The following SIK2 variants were observed in gnomAD, a reference collection of about 807,000 sequenced individuals.
SIK2 encodes serine/threonine-protein kinase SIK2.
In SIK2, 29 loss-of-function variants were observed where a neutral mutation model predicts 103.2. The observed-to-expected ratio is 0.28, with a 90% CI of 0.21 to 0.38. The LOEUF is 0.38. Among genes scored for constraint, SIK2 ranks in the 10% least tolerant of loss-of-function variants. SIK2 has a pLI of 1.00. For missense variants in SIK2, 879 were observed against 1,171.0 expected (o/e 0.75, Z 3.64); for synonymous variants, 412 against 446.1 (o/e 0.92, Z 0.96).
intron 3 of SIK2, among the ~76,000 whole-genome samples, chr11:111,640,225 T>C (rs1009007184): frequency 1.4e-4 from 21 of 152,226 alleles, no homozygotes; most frequent in African/African-American, 4.8e-4. Flanking sequence ...AATCACAAAA[T>C]ATTCCCAGTT....
chr11:111,648,119 A>C (rs1201653992), intron 3 of SIK2, among the ~76,000 whole-genome samples: 1 of 152,140 alleles, frequency 6.6e-6, no homozygotes, highest in African/African-American at 2.4e-5. Context: ...GAAAAAATAA[A>C]GAAAAAATAA....
rs79669376 is a variant in SIK2, at chr11:111,725,019, T to C, written c.*890T>C. 1,623 of 152,722 alleles carry C rather than the reference T, an allele frequency of 0.011. 15 individuals are homozygous for C. The highest frequency in any genetic ancestry group is 0.016 in the Non-Finnish European group (1,078 of 68,038). 9.5% of individuals were successfully genotyped at this position (152,722 alleles called of 1,614,324 possible). On this transcript the variant is annotated 3_prime_UTR_variant, in exon 15 of 15. Coordinates refer to ENST00000304987, the MANE Select transcript of SIK2 (RefSeq NM_015191.3). ...CGGTCTCCAGGGTACCTGTTGTCTC[T>C]TTTCCGATGTAATAACTACTTTGAC...
chr11:111,684,722 C>T (rs1276086496), intron 3 of SIK2, among the ~76,000 whole-genome samples: 1 of 152,190 alleles, frequency 6.6e-6, no homozygotes, highest in African/African-American at 2.4e-5. Context: ...CTTGCCAGTT[C>T]TTAAACATAA....
At chr11:111,696,896 A>T (rs1482520418) in intron 4 of SIK2, among the ~76,000 whole-genome samples, 1 of 151,926 alleles carries the variant, frequency 6.6e-6, no homozygotes, top group African/African-American at 2.4e-5. Flanking sequence ...TTCCCCCCCT[A>T]CTCACCTCCC....
chr11:111,671,644 A>G, intron 3 of SIK2: 1 of 364,782 alleles, frequency 2.7e-6, no homozygotes, highest in Non-Finnish European at 5.3e-6. Context: ...GCTGTTGTCC[A>G]TGGACAGAAC....
chr11:111,719,406 A>T (rs1272316241), intron 9 of SIK2, among the ~76,000 whole-genome samples: 1 of 150,084 alleles, frequency 6.7e-6, no homozygotes, highest in Admixed American at 6.6e-5. Context: ...AAAAAAAAAA[A>T]ACAACTCATC....
At chr11:111,711,197 C>T (rs1290651408) in intron 8 of SIK2, among the ~76,000 whole-genome samples, 1 of 151,578 alleles carries the variant, frequency 6.6e-6, no homozygotes, top group Non-Finnish European at 1.5e-5. Flanking sequence ...TGGCTCACTG[C>T]AAGCTCCGCC....
chr11:111,626,636 G>C (rs1168138559), intron 3 of SIK2, among the ~76,000 whole-genome samples: 3 of 149,898 alleles, frequency 2.0e-5, no homozygotes, highest in African/African-American at 7.4e-5. Context: ...CTTCAGAATT[G>C]TCTTTCTGAA....
At chr11:111,693,879 C>T (rs1201594825) in intron 4 of SIK2, among the ~76,000 whole-genome samples, 6 of 152,150 alleles carry the variant, frequency 3.9e-5, no homozygotes, top group African/African-American at 1.4e-4. Flanking sequence ...AGAGTATGGG[C>T]TGTGTAGTCA....
intron 3 of SIK2, among the ~76,000 whole-genome samples, chr11:111,667,979 TTTATTCTA>T (rs1942569698): frequency 6.6e-6 from 1 of 152,218 alleles, no homozygotes; most frequent in Admixed American, 6.5e-5. Context: ...ATTTTTTTTC[TTTATTCTA>T]TTCAGCAAAC....
At chr11:111,671,317 GC>G in intron 3 of SIK2, 1 of 242,858 alleles carries the variant, frequency 4.1e-6, no homozygotes, top group Non-Finnish European at 8.2e-6. Flanking sequence ...GTCCTGATTG[GC>G]CCATTGCAGG....
chr11:111,720,333 G>T, intron 10 of SIK2, 145 bp from the exon 11 acceptor site: 1 of 861,612 alleles, frequency 1.2e-6, no homozygotes. Flanking sequence ...GACTAAATTG[G>T]CCAGTAAAAG....
chr11:111,607,456 CTCA>C (rs1941663241), intron 1 of SIK2, among the ~76,000 whole-genome samples: 1 of 152,106 alleles, frequency 6.6e-6, no homozygotes, highest in South Asian at 2.1e-4. Context: ...TTGAAGAGAA[CTCA>C]TTTTAAAAAT....
At chr11:111,662,142 A>G (rs1942475514) in intron 3 of SIK2, among the ~76,000 whole-genome samples, 2 of 152,218 alleles carry the variant, frequency 1.3e-5, no homozygotes, top group African/African-American at 4.8e-5. Flanking sequence ...TGTTTTAGTC[A>G]AAGTAATGTA....
intron 3 of SIK2, among the ~76,000 whole-genome samples, chr11:111,625,881 A>G (rs897522167): frequency 6.6e-6 from 1 of 152,234 alleles, no homozygotes; most frequent in African/African-American, 2.4e-5. Context: ...GAACATTTTT[A>G]AAGCTTTGGA....
intron 9 of SIK2, among the ~76,000 whole-genome samples, chr11:111,718,235 T>G (rs1484467814): frequency 6.6e-6 from 1 of 152,216 alleles, no homozygotes; most frequent in Non-Finnish European, 1.5e-5. Context: ...CTTGGCTAGT[T>G]TTAGAAAATT....
chr11:111,690,897 G>A (rs964920656), intron 4 of SIK2, among the ~76,000 whole-genome samples: 12 of 152,096 alleles, frequency 7.9e-5, no homozygotes, highest in African/African-American at 2.7e-4. Context: ...CTTTGCTATT[G>A]TAAATAGTGC....
intron 4 of SIK2, among the ~76,000 whole-genome samples, chr11:111,692,461 C>G (rs1455724872): frequency 6.9e-6 from 1 of 145,196 alleles, no homozygotes; most frequent in East Asian, 2.1e-4. Context: ...GATGGATCCA[C>G]ACATGCAAAG....
chr11:111,647,562 GAA>G (rs11307756), intron 3 of SIK2, among the ~76,000 whole-genome samples: 1,587 of 62,920 alleles, frequency 0.025, 31 homozygotes, highest in African/African-American at 0.07. Flanking sequence ...CCCCCATCTC[GAA>G]AAAAAAAAAA....
Sources: gnomAD v4.1 joint callset for allele counts (sites outside exome capture counted in the v4.1 genomes callset) on GRCh38, gnomAD v4.1.1 for gene constraint, MANE v1.5 for transcripts, NCBI Gene and HGNC (gene_info 2026-07-23, HGNC 2026-07-21) for gene names.